The following CHRM2 variants were observed in gnomAD, a reference collection of about 807,000 sequenced individuals.
The protein encoded by CHRM2 is muscarinic acetylcholine receptor M2.
In CHRM2, 8 loss-of-function variants were observed where a neutral mutation model predicts 25.0. The observed-to-expected ratio is 0.32, with a 90% CI of 0.19 to 0.58. The LOEUF is 0.58. Ranked by LOEUF, CHRM2 falls within the 20% of genes least tolerant of loss-of-function variation. CHRM2 has a pLI of 0.88. For synonymous variants in CHRM2, 202 were observed against 205.7 expected (o/e 0.98, Z 0.15); for missense variants, 440 against 567.1 (o/e 0.78, Z 2.28).
At chr7:136,980,677 CT>C (rs1309953533) in intron 2 of CHRM2, among the ~76,000 whole-genome samples, 1 of 151,996 alleles carries the variant, frequency 6.6e-6, no homozygotes, top group Admixed American at 6.6e-5. Flanking sequence ...TATGGAATGC[CT>C]TTTCTGCATC....
At position 136,869,813 on chromosome 7, in the gene CHRM2, A is replaced by C. The variant is rs1224719961; in HGVS notation, c.-125+395A>C. ...CCCGCCACCCACTCCAGATGCAGCC[A>C]TGGACAAGACAAGGAGAGCTTCGTC... On this transcript the variant is annotated intron_variant, in intron 2 of 3. Coordinates refer to ENST00000680005, the MANE Select transcript of CHRM2 (RefSeq NM_001006630.2). This position sits in a 1 kb window ranked among gnomAD's most constrained non-coding sequence, Gnocchi z 4.9. 6.9e-6 allele frequency: 1 copy of C among 145,826 alleles called. No individual in the cohort carries two copies. The highest frequency in any genetic ancestry group is 1.5e-5 in the Non-Finnish European group (1 of 66,784). 9.0% of individuals were successfully genotyped at this position (145,826 alleles called of 1,614,324 possible). A position where few individuals can be genotyped will look rare whatever the true frequency, so the allele number is the denominator to read the frequency against.
At chr7:136,957,482 G>A (rs1169883592) in intron 2 of CHRM2, among the ~76,000 whole-genome samples, 2 of 152,172 alleles carry the variant, frequency 1.3e-5, no homozygotes, top group East Asian at 3.8e-4. Flanking sequence ...AAAAGATAAT[G>A]ACAGTCTATT....
At chr7:136,985,640 A>G (rs1802809809) in intron 2 of CHRM2, among the ~76,000 whole-genome samples, 1 of 152,178 alleles carries the variant, frequency 6.6e-6, no homozygotes. Context: ...ATTATTTATA[A>G]GAAAGGACCT....
chr7:136,952,577 ACT>A (rs1491394433), intron 2 of CHRM2, among the ~76,000 whole-genome samples: 1 of 86,704 alleles, frequency 1.2e-5, no homozygotes, highest in African/African-American at 4.9e-5. Context: ...CTTTTTTAAA[ACT>A]TTTTTTTTTA....
chr7:136,921,794 C>CTTTCTTTTT (rs776923730), intron 2 of CHRM2, among the ~76,000 whole-genome samples: 9 of 116,630 alleles, frequency 7.7e-5, no homozygotes, highest in African/African-American at 2.2e-4. Context: ...TTCTTTCTTT[C>CTTTCTTTTT]TTTTTTTTGA....
At chr7:136,938,000 C>G (rs11765746) in intron 2 of CHRM2, among the ~76,000 whole-genome samples, 2,228 of 152,224 alleles carry the variant, frequency 0.015, 19 homozygotes, top group South Asian at 0.022. Context: ...GCAAGCGCAA[C>G]CACACTGGCA....
At chr7:136,909,139 T>C (rs1354801684) in intron 2 of CHRM2, among the ~76,000 whole-genome samples, 2 of 151,982 alleles carry the variant, frequency 1.3e-5, no homozygotes, top group African/African-American at 4.8e-5. Context: ...TTCATCTCAT[T>C]GACATGGGAA....
intron 2 of CHRM2, among the ~76,000 whole-genome samples, chr7:136,880,738 A>G (rs192268854): frequency 2.0e-4 from 31 of 151,336 alleles, no homozygotes; most frequent in African/African-American, 7.0e-4. Flanking sequence ...TCCACTATCA[A>G]CCTCCCCCAC....
intron 2 of CHRM2, among the ~76,000 whole-genome samples, chr7:136,930,996 T>C (rs10447880): frequency 0.24 from 35,862 of 150,782 alleles, 5,639 homozygotes; most frequent in Non-Finnish European, 0.35. Context: ...TTTAAAAGGA[T>C]GTCAGTCACA....
intron 2 of CHRM2, among the ~76,000 whole-genome samples, chr7:136,967,695 T>C (rs1266296381): frequency 6.6e-6 from 1 of 152,044 alleles, no homozygotes; most frequent in African/African-American, 2.4e-5. Context: ...ATTTCTGTTC[T>C]CTCTTTCTGT....
rs746086827 is a variant in CHRM2 at position 136,908,221 on chromosome 7, C to T, written c.-125+38803C>T. On this transcript the variant is annotated intron_variant, in intron 2 of 3. Coordinates refer to ENST00000680005, the MANE Select transcript of CHRM2 (RefSeq NM_001006630.2). ...TTTTAGATCATCCTTCTATCTTGTA[C>T]GTCCAGCAGAACAGTTTTACGTCAT... is the stretch of plus-strand genomic sequence containing the variant. 2.6e-5 allele frequency among the ~76,000 whole-genome samples: 4 copies of T among 151,882 alleles called. No individual in the cohort carries two copies. The East Asian group carries it at 5.8e-4, about 22-fold the overall frequency.
chr7:136,956,917 C>A (rs1800757553), intron 2 of CHRM2, among the ~76,000 whole-genome samples: 1 of 152,064 alleles, frequency 6.6e-6, no homozygotes, highest in African/African-American at 2.4e-5. Context: ...CCGCTGACTC[C>A]TTAGCAAACA....
At chr7:136,894,522 C>T (rs541761127) in intron 2 of CHRM2, among the ~76,000 whole-genome samples, 2 of 152,138 alleles carry the variant, frequency 1.3e-5, no homozygotes, top group East Asian at 2.0e-4. Context: ...CAGACACATG[C>T]CACCACGCCT....
chr7:136,949,909 A>G (rs985553392), intron 2 of CHRM2, among the ~76,000 whole-genome samples: 2 of 152,124 alleles, frequency 1.3e-5, no homozygotes, highest in Non-Finnish European at 2.9e-5. Context: ...GTACAAAATT[A>G]TAACTATTCA....
intron 2 of CHRM2, among the ~76,000 whole-genome samples, chr7:136,878,554 T>G (rs1473941604): frequency 6.6e-6 from 1 of 151,882 alleles, no homozygotes; most frequent in Non-Finnish European, 1.5e-5. Context: ...AATTTCAGAA[T>G]TTGGGGTGAG....
chr7:136,874,970 A>T (rs1795990822), intron 2 of CHRM2, among the ~76,000 whole-genome samples: 1 of 151,358 alleles, frequency 6.6e-6, no homozygotes, highest in Non-Finnish European at 1.5e-5. Flanking sequence ...TAAGTCTTTA[A>T]GACTTCTAAA....
At chr7:136,936,352 C>T (rs142934710) in intron 2 of CHRM2, among the ~76,000 whole-genome samples, 2 of 152,068 alleles carry the variant, frequency 1.3e-5, no homozygotes, top group African/African-American at 4.8e-5. Flanking sequence ...TTTTAAATTC[C>T]CCTTGATCTC....
chr7:137,011,338 A>C (rs1328563446), intron 3 of CHRM2, among the ~76,000 whole-genome samples: 1 of 151,646 alleles, frequency 6.6e-6, no homozygotes, highest in Admixed American at 6.6e-5. Flanking sequence ...GCTAAGTCCA[A>C]AGGCCTCAGA....
At chr7:136,907,785 G>A (rs1015742972) in intron 2 of CHRM2, 2 of 152,010 alleles carry the variant, frequency 1.3e-5, no homozygotes, top group East Asian at 1.9e-4. Flanking sequence ...AACCCATTAA[G>A]TTCTCTCTCC....
Sources: gnomAD v4.1 joint callset for allele counts (sites outside exome capture counted in the v4.1 genomes callset) on GRCh38, gnomAD v4.1.1 for gene constraint, Gnocchi (gnomAD v3.1) non-coding constraint, MANE v1.5 for transcripts, NCBI Gene and HGNC (gene_info 2026-07-23, HGNC 2026-07-21) for gene names.